The following EYS variants were observed in gnomAD, a reference collection of about 807,000 sequenced individuals.
EYS encodes protein eyes shut homolog.
A neutral mutation model predicts 282.1 loss-of-function variants in EYS; 250 were observed. The observed-to-expected ratio is 0.89, with a 90% CI of 0.80 to 0.98. The LOEUF (loss-of-function observed/expected upper bound fraction) is 0.98. Ranked by LOEUF, EYS falls within the 50% of genes least tolerant of loss-of-function variation. The pLI is 0.00. For synonymous variants in EYS, 1,355 were observed against 1,282.9 expected, an observed-to-expected ratio of 1.06 and a Z score of -1.20; for missense variants, 4,016 against 3,709.0, an observed-to-expected ratio of 1.08 and a Z score of -2.15.
intron 36 of EYS, among the ~76,000 whole-genome samples, chr6:63,859,032 CTTAAAAGAAAA>C (rs1245175076): frequency 9.3e-6 from 1 of 108,092 alleles, no homozygotes. Flanking sequence ...TAGAAAAATT[CTTAAAAGAAAA>C]TTAATTTTGA....
At chr6:63,731,379 T>G (rs577528500) in intron 41 of EYS, among the ~76,000 whole-genome samples, 1 of 152,358 alleles carries the variant, frequency 6.6e-6, no homozygotes, top group Non-Finnish European at 1.5e-5. Context: ...GTTTTTAAAT[T>G]CGATTTGCAA....
intron 22 of EYS, among the ~76,000 whole-genome samples, chr6:64,678,517 G>T (rs1377923949): frequency 6.6e-6 from 1 of 152,200 alleles, no homozygotes; most frequent in African/African-American, 2.4e-5. Context: ...GGCGGAGGTT[G>T]CAGTGAACCA....
At chr6:63,928,560 G>GC (rs1764792660) in intron 35 of EYS, among the ~76,000 whole-genome samples, 1 of 151,968 alleles carries the variant, frequency 6.6e-6, no homozygotes, top group African/African-American at 2.4e-5. Context: ...GTGCGTGTGC[G>GC]CATGCGTAGG....
intron 28 of EYS, among the ~76,000 whole-genome samples, chr6:64,399,883 C>G (rs144348402): frequency 4.6e-4 from 70 of 151,942 alleles, no homozygotes; most frequent in African/African-American, 1.6e-3. Flanking sequence ...GGAGCTGGTC[C>G]TGATAATAGT....
At chr6:64,894,067 T>C (rs1297377580) in intron 18 of EYS, among the ~76,000 whole-genome samples, 1 of 152,138 alleles carries the variant, frequency 6.6e-6, no homozygotes, top group Admixed American at 6.6e-5. Context: ...CTGAGACTTA[T>C]TTTTTCAGTC....
At chr6:64,535,429 TG>T (rs1764487880) in intron 26 of EYS, among the ~76,000 whole-genome samples, 1 of 152,160 alleles carries the variant, frequency 6.6e-6, no homozygotes, top group African/African-American at 2.4e-5. Flanking sequence ...AAAATTACCT[TG>T]GGTCTACAAT....
At chr6:63,946,447 A>G (rs1291172616) in intron 35 of EYS, among the ~76,000 whole-genome samples, 1 of 152,238 alleles carries the variant, frequency 6.6e-6, no homozygotes, top group East Asian at 1.9e-4. Flanking sequence ...TGATTCTTAG[A>G]TTTTTTTAGT....
At chr6:65,498,721 CA>C (rs1255318167) in intron 2 of EYS, among the ~76,000 whole-genome samples, 3 of 151,822 alleles carry the variant, frequency 2.0e-5, no homozygotes, top group Non-Finnish European at 4.4e-5. Context: ...ATGCTGAATA[CA>C]AAATGCTTTG....
intron 26 of EYS, among the ~76,000 whole-genome samples, chr6:64,583,026 T>G (rs2149825783): frequency 6.6e-6 from 1 of 152,256 alleles, no homozygotes; most frequent in Admixed American, 6.5e-5. Context: ...TTTAAGTAAG[T>G]TAGAACAAAA....
At chr6:65,141,898 A>G (rs1007174215) in intron 12 of EYS, among the ~76,000 whole-genome samples, 2 of 151,990 alleles carry the variant, frequency 1.3e-5, no homozygotes, top group East Asian at 3.9e-4. Flanking sequence ...AGAATTTGTT[A>G]TAAGCAGATC....
At chr6:64,940,163 A>G (rs1769041698) in intron 15 of EYS, among the ~76,000 whole-genome samples, 1 of 152,034 alleles carries the variant, frequency 6.6e-6, no homozygotes, top group African/African-American at 2.4e-5. Flanking sequence ...TACAAGTAGC[A>G]AGCTCAAGTC....
intron 28 of EYS, among the ~76,000 whole-genome samples, chr6:64,433,929 G>A (rs920543974): frequency 4.6e-5 from 7 of 152,086 alleles, no homozygotes; most frequent in African/African-American, 1.7e-4. Flanking sequence ...GCTTCTATGA[G>A]TCTCAGCTTT....
intron 35 of EYS, among the ~76,000 whole-genome samples, chr6:63,977,301 A>G (rs923924171): frequency 6.6e-6 from 1 of 152,024 alleles, no homozygotes; most frequent in East Asian, 1.9e-4. Context: ...TGTCAAGAAC[A>G]TTCCAAATCT....
At chr6:65,656,507 C>T (rs1474764234) in intron 1 of EYS, among the ~76,000 whole-genome samples, 1 of 151,814 alleles carries the variant, frequency 6.6e-6, no homozygotes, top group Non-Finnish European at 1.5e-5. Flanking sequence ...AAAACATTTG[C>T]CCAAGCCAAA....
chr6:64,094,007 G>T (rs1772479918), intron 31 of EYS, among the ~76,000 whole-genome samples: 1 of 152,102 alleles, frequency 6.6e-6, no homozygotes, highest in African/African-American at 2.4e-5. Context: ...CATCTATTGA[G>T]GTAATCATGT....
intron 14 of EYS, among the ~76,000 whole-genome samples, chr6:64,960,035 C>T (rs1246840683): frequency 6.6e-6 from 1 of 151,922 alleles, no homozygotes; most frequent in Non-Finnish European, 1.5e-5. Context: ...TTACCAAGCA[C>T]ATAAGTGATA....
At chr6:64,117,091 T>C (rs2150270765) in intron 31 of EYS, among the ~76,000 whole-genome samples, 1 of 152,168 alleles carries the variant, frequency 6.6e-6, no homozygotes, top group East Asian at 1.9e-4. Flanking sequence ...ATACTGAATA[T>C]TGCATACAAC....
chr6:65,378,287 C>G (rs879036022), intron 8 of EYS, among the ~76,000 whole-genome samples: 1 of 152,118 alleles, frequency 6.6e-6, no homozygotes, highest in Non-Finnish European at 1.5e-5. Context: ...TGAAAAAAAG[C>G]TCATCATCAC....
At chr6:63,769,510 T>C (rs1340089281) in intron 40 of EYS, among the ~76,000 whole-genome samples, 1 of 152,068 alleles carries the variant, frequency 6.6e-6, no homozygotes. Flanking sequence ...GTATCCTTAA[T>C]TGTCAGTACA....
Sources: gnomAD v4.1 joint callset for allele counts (sites outside exome capture counted in the v4.1 genomes callset) on GRCh38, gnomAD v4.1.1 for gene constraint, MANE v1.5 for transcripts, NCBI Gene and HGNC (gene_info 2026-07-23, HGNC 2026-07-21) for gene names.